The following STX18 variants were observed in gnomAD, a reference collection of about 807,000 sequenced individuals.
The protein encoded by STX18 is syntaxin 18, also known as syntaxin-18.
In STX18, 40 loss-of-function variants were observed where a neutral mutation model predicts 50.1. That is an observed-to-expected ratio of 0.80 (90% confidence interval 0.62 to 1.04). The LOEUF (loss-of-function observed/expected upper bound fraction) is 1.04, where lower values mean the gene tolerates loss of function less well. Ranked by LOEUF, STX18 falls within the 50% of genes least tolerant of loss-of-function variation. STX18 has a pLI of 0.00. For missense variants in STX18, 410 were observed against 415.8 expected (o/e 0.99, Z 0.12); for synonymous variants, 158 against 151.8 (o/e 1.04, Z -0.30).
At chr4:4,441,047 A>G (rs1577324983) in intron 5 of STX18, among the ~76,000 whole-genome samples, 1 of 152,314 alleles carries the variant, frequency 6.6e-6, no homozygotes, top group East Asian at 1.9e-4. Context: ...TGGGAGCCTC[A>G]TTTCTTCTTC....
At chr4:4,439,863 C>T (rs1191673866) in intron 5 of STX18, among the ~76,000 whole-genome samples, 1 of 152,154 alleles carries the variant, frequency 6.6e-6, no homozygotes, top group Non-Finnish European at 1.5e-5. Flanking sequence ...AGAGAGGCCA[C>T]CTCTGACTCT....
intron 3 of STX18, among the ~76,000 whole-genome samples, chr4:4,457,757 C>T (rs112646571): frequency 7.7e-4 from 117 of 152,308 alleles, no homozygotes; most frequent in African/African-American, 2.4e-3. Context: ...TAGTATTTGA[C>T]GCAGCCACTT....
intron 5 of STX18, among the ~76,000 whole-genome samples, chr4:4,438,880 C>T (rs182326634): frequency 4.4e-4 from 67 of 151,362 alleles, no homozygotes; most frequent in Middle Eastern, 3.5e-3. Context: ...AAAAAGATTG[C>T]TGAGTATGTT....
At position 4,457,263 on chromosome 4, in the gene STX18, G is replaced by A; in HGVS notation, c.431-6C>T. ...TGAGTAAAGTTTACATACTCCTGTT[G>A]CAGAAGAAAATACCAGAAGAGAGAC... On this transcript the variant is annotated splice_polypyrimidine_tract_variant and splice_region_variant and intron_variant, in intron 4 of 10. Transcript: ENST00000306200. The A allele has an allele frequency of 6.2e-7, 1 of 1,613,686 alleles. No homozygotes were observed. The highest frequency in any genetic ancestry group is 8.5e-7 in the Non-Finnish European group (1 of 1,179,688).
At chr4:4,518,293 T>C (rs1444763393) in intron 1 of STX18, among the ~76,000 whole-genome samples, 3 of 152,214 alleles carry the variant, frequency 2.0e-5, no homozygotes, top group Admixed American at 2.0e-4. Context: ...CATGTAAATG[T>C]TGTAGAAAAT....
chr4:4,505,423 C>T (rs759413578), intron 1 of STX18, among the ~76,000 whole-genome samples: 4 of 152,100 alleles, frequency 2.6e-5, no homozygotes, highest in Non-Finnish European at 5.9e-5. Flanking sequence ...GAGCTGATGT[C>T]GAGCATCAAG....
At chr4:4,483,905 A>G (rs1026189011) in intron 1 of STX18, among the ~76,000 whole-genome samples, 21 of 152,048 alleles carry the variant, frequency 1.4e-4, no homozygotes, top group Admixed American at 3.3e-4. Flanking sequence ...CCTGTTGCCC[A>G]GGCTGGAGTG....
At chr4:4,451,855 T>C (rs1726769720) in intron 5 of STX18, among the ~76,000 whole-genome samples, 1 of 152,170 alleles carries the variant, frequency 6.6e-6, no homozygotes, top group Admixed American at 6.5e-5. Context: ...AAAGAAGAGT[T>C]GCGTATCACT....
At chr4:4,457,096 G>T (rs780154919) in intron 5 of STX18, 95 bp downstream of exon 5, 1 of 1,193,618 alleles carries the variant, frequency 8.4e-7, no homozygotes, top group South Asian at 1.3e-5. Context: ...GTTCAAACAC[G>T]GTACATTGCA....
At chr4:4,429,426 C>T (rs951383123) in intron 7 of STX18, among the ~76,000 whole-genome samples, 2 of 152,158 alleles carry the variant, frequency 1.3e-5, no homozygotes, top group Admixed American at 6.5e-5. Flanking sequence ...AAAAGAAAAT[C>T]ACTCCTACAA....
At chr4:4,534,242 C>T (rs571029240) in intron 1 of STX18, among the ~76,000 whole-genome samples, 1 of 152,354 alleles carries the variant, frequency 6.6e-6, no homozygotes, top group African/African-American at 2.4e-5. Context: ...TTATCCACCA[C>T]ATGCTGTCTT....
Position 4,452,131 on chromosome 4 carries a change from C to G in STX18, c.497+5060G>C, listed in dbSNP as rs1018183550. Among the ~76,000 whole-genome samples, 4 of 151,816 alleles carry G rather than the reference C, an allele frequency of 2.6e-5. 1 individual carries two copies. Among genetic ancestry groups the G allele is most frequent in the African/African-American group, 4.9e-5 (2 of 41,080 alleles). On this transcript the variant is annotated intron_variant, in intron 5 of 10. Transcript: ENST00000306200. Reference sequence around the variant, plus strand: ...CATTCCCTTAAGCCAAAGCCTAATTCAGCGCAAGGCCCTAACTCTCTTCGA... The same window carrying G: ...CATTCCCTTAAGCCAAAGCCTAATTGAGCGCAAGGCCCTAACTCTCTTCGA...
intron 7 of STX18, among the ~76,000 whole-genome samples, chr4:4,427,766 C>A (rs1006956631): frequency 6.6e-6 from 1 of 152,208 alleles, no homozygotes; most frequent in African/African-American, 2.4e-5. Flanking sequence ...TAGGCCTCTT[C>A]GTAATTGTTA....
intron 1 of STX18, among the ~76,000 whole-genome samples, chr4:4,526,369 T>C (rs1434847785): frequency 6.6e-6 from 1 of 152,188 alleles, no homozygotes; most frequent in East Asian, 1.9e-4. Context: ...TGGAACACAG[T>C]GTCTATCTTC....
chr4:4,458,224 T>G (rs748917990), intron 3 of STX18, among the ~76,000 whole-genome samples: 1 of 152,208 alleles, frequency 6.6e-6, no homozygotes, highest in African/African-American at 2.4e-5. Flanking sequence ...AGGCAATAAA[T>G]AGCCCAAGGT....
chr4:4,438,475 T>C lies in STX18; in HGVS notation c.532A>G (p.Arg178Gly), dbSNP rs1446413480. Residue 178 changes from arginine (R) to glycine (G), a missense_variant, in exon 6 of 11, where the codon AGA becomes GGA. Coordinates refer to ENST00000306200, the MANE Select transcript of STX18 (RefSeq NM_016930.4). ...ACTTTCTCAGAAGATGTGGATTCTC[T>C]TGTCTTTGTATTTGGTTCTGGTTCC... is the stretch of plus-strand genomic sequence containing the variant. ...KLEPEPNTKTRESTSSEKVSQ... is the reference protein window; with the variant it reads ...KLEPEPNTKTGESTSSEKVSQ... The C allele has an allele frequency of 1.2e-6, 2 of 1,613,660 alleles. No homozygotes were observed. Among genetic ancestry groups the C allele is most frequent in the East Asian group, 2.2e-5 (1 of 44,900 alleles).
chr4:4,447,548 G>A (rs975871473), intron 5 of STX18, among the ~76,000 whole-genome samples: 12 of 125,898 alleles, frequency 9.5e-5, no homozygotes, highest in Non-Finnish European at 1.3e-4. Context: ...CCGAGATCGC[G>A]CCACTGCACT....
chr4:4,521,535 T>A (rs1372076489), intron 1 of STX18, among the ~76,000 whole-genome samples: 1 of 152,042 alleles, frequency 6.6e-6, no homozygotes, highest in Non-Finnish European at 1.5e-5. Context: ...AATGAAAGAC[T>A]TAAGAAGAGG....
intron 2 of STX18, among the ~76,000 whole-genome samples, chr4:4,460,667 T>C (rs577307262): frequency 2.4e-4 from 37 of 152,310 alleles, no homozygotes; most frequent in African/African-American, 7.9e-4. Flanking sequence ...TCCTAGGGAA[T>C]AGATGATCCT....
Sources: allele counts gnomAD v4.1 joint callset (sites outside exome capture counted in the v4.1 genomes callset), GRCh38; gene constraint gnomAD v4.1.1; transcripts MANE v1.5; gene names NCBI Gene and HGNC (gene_info 2026-07-23, HGNC 2026-07-21).